ARHGEF10: variants seen among roughly 807,000 people sequenced by gnomAD.
ARHGEF10 encodes Rho guanine nucleotide exchange factor 10.
In ARHGEF10, 140 loss-of-function variants were observed where a neutral mutation model predicts 147.4. The observed-to-expected ratio is 0.95, with a 90% CI of 0.83 to 1.09. The LOEUF (loss-of-function observed/expected upper bound fraction) is 1.09, where lower values mean the gene tolerates loss of function less well. Ranked by LOEUF, ARHGEF10 falls within the 50% of genes least tolerant of loss-of-function variation. The probability of loss-of-function intolerance (pLI) is 0.00; values close to 1 mark genes in which losing one functional copy is unlikely to be tolerated. For missense variants in ARHGEF10, 2,222 were observed against 1,752.7 expected, an observed-to-expected ratio of 1.27 and a Z score of -4.78; for synonymous variants, 902 against 695.8, an observed-to-expected ratio of 1.30 and a Z score of -4.67.
At position 1,926,442 on chromosome 8, in the gene ARHGEF10, C is replaced by G; in HGVS notation, c.2676C>G (p.Ser892=). 1 of 1,614,104 alleles carries G rather than the reference C, an allele frequency of 6.2e-7. No homozygotes were observed. Among genetic ancestry groups the G allele is most frequent in the South Asian group, 1.1e-5 (1 of 91,088 alleles). Residue 892 remains serine (S), a synonymous_variant, in exon 23 of 29, where the codon TCC becomes TCG. Coordinates refer to ENST00000349830, the MANE Select transcript of ARHGEF10 (RefSeq NM_014629.4). Reference sequence around the variant, plus strand: ...ATGAAAGCCAGCCAGATTCATTTTCCACGGCACATGGTTTCCTGTGGGTAA... The same window carrying G: ...ATGAAAGCCAGCCAGATTCATTTTCGACGGCACATGGTTTCCTGTGGGTAA... ...LNNESQPDSF[S]TAHGFLWIGS...
intron 26 of ARHGEF10, among the ~76,000 whole-genome samples, chr8:1,935,633 C>T (rs960537556): frequency 1.3e-5 from 2 of 152,216 alleles, no homozygotes; most frequent in African/African-American, 2.4e-5. Flanking sequence ...CACTGGGGCT[C>T]ATAACGTCTT....
intron 18 of ARHGEF10, among the ~76,000 whole-genome samples, chr8:1,917,582 C>T (rs1039482462): frequency 2.6e-5 from 4 of 152,124 alleles, no homozygotes; most frequent in African/African-American, 9.7e-5. Context: ...GCAGGGATTT[C>T]CATGGAAACA....
intron 15 of ARHGEF10, among the ~76,000 whole-genome samples, 166 bp from the exon 16 acceptor site, chr8:1,903,115 C>T (rs138429880): frequency 2.6e-5 from 4 of 152,198 alleles, no homozygotes; most frequent in African/African-American, 9.7e-5. Flanking sequence ...TCAGCCAAGT[C>T]GTGACTCACT....
chr8:1,894,602 T>G (rs755901239), intron 13 of ARHGEF10, 30 bp downstream of exon 13: 2 of 1,608,180 alleles, frequency 1.2e-6, no homozygotes, highest in Admixed American at 3.3e-5. Context: ...TGGATGTCCA[T>G]GGGGCTCTCC....
chr8:1,918,126 A>G (rs188600897), intron 18 of ARHGEF10, among the ~76,000 whole-genome samples: 1 of 152,172 alleles, frequency 6.6e-6, no homozygotes, highest in Non-Finnish European at 1.5e-5. Context: ...CTGAAAATCA[A>G]CATGAAACAG....
intron 12 of ARHGEF10, 56 bp from the exon 13 acceptor site, chr8:1,894,337 A>C: frequency 6.3e-7 from 1 of 1,597,642 alleles, no homozygotes; most frequent in Non-Finnish European, 8.6e-7. Context: ...ACAACAAAAC[A>C]AGACCCAGGC....
intron 25 of ARHGEF10, among the ~76,000 whole-genome samples, chr8:1,932,057 G>C (rs1353419220): frequency 6.6e-6 from 1 of 152,236 alleles, no homozygotes; most frequent in Non-Finnish European, 1.5e-5. Flanking sequence ...TCCAAGCACA[G>C]TGGGCGGTGC....
intron 1 of ARHGEF10, 49 bp from the exon 2 acceptor site, chr8:1,843,304 C>A: frequency 6.9e-7 from 1 of 1,455,852 alleles, no homozygotes; most frequent in Non-Finnish European, 9.5e-7. Context: ...CTATTGAGTG[C>A]ATGTTTATCC....
intron 17 of ARHGEF10, among the ~76,000 whole-genome samples, chr8:1,908,325 G>A (rs969972211): frequency 1.3e-5 from 2 of 149,446 alleles, no homozygotes; most frequent in African/African-American, 5.0e-5. Context: ...CTGCCTCCCG[G>A]GTTCACGCCA....
intron 26 of ARHGEF10, among the ~76,000 whole-genome samples, chr8:1,939,636 G>C (rs902397754): frequency 6.6e-6 from 1 of 152,246 alleles, no homozygotes; most frequent in Non-Finnish European, 1.5e-5. Flanking sequence ...GTGGCTAGCT[G>C]GTCGAGGGTG....
intron 2 of ARHGEF10, among the ~76,000 whole-genome samples, chr8:1,847,911 C>G (rs1345418211): frequency 6.6e-6 from 1 of 152,166 alleles, no homozygotes; most frequent in Non-Finnish European, 1.5e-5. Flanking sequence ...ATGAGTATTA[C>G]TTTAATCTTG....
At position 1,889,937 on chromosome 8, in the gene ARHGEF10, T is replaced by TC. The variant is rs1325745949; in HGVS notation, c.1183-3632_1183-3631insC. 9.4e-3 allele frequency among the ~76,000 whole-genome samples: 1,194 copies of TC among 126,818 alleles called. 3 individuals carry two copies. Among genetic ancestry groups the TC allele is most frequent in the East Asian group, 0.014 (58 of 4,076 alleles). 83.2% of individuals were successfully genotyped at this position (126,818 alleles called of 152,430 possible). On this transcript the variant is annotated intron_variant, in intron 11 of 28. Transcript: ENST00000349830. ...TAGGAGGCAGTGAGTGGGGCGAGGG[T>TC]TGTGAGGAGACACTGAGTGGGGGAG...
Position 1,869,247 on chromosome 8 carries a change from C to A in ARHGEF10, c.676C>A (p.Pro226Thr). 6.2e-7 allele frequency: 1 copy of A among 1,613,600 alleles called. No homozygotes were observed. Among genetic ancestry groups the A allele is most frequent in the Non-Finnish European group, 8.5e-7 (1 of 1,179,534 alleles). ...DVPRENSDSEPDEMIYDDVEN... is the reference protein window; with the variant it reads ...DVPRENSDSETDEMIYDDVEN... ...TCCAAGGGAAAACTCAGACTCTGAA[C>A]CAGGTTTGATTTTGTCTGGAATTGA... is the stretch of plus-strand genomic sequence containing the variant. The change falls in exon 7 of 29, where the codon CCA (proline) becomes ACA (threonine). Residue 226 changes from proline to threonine, a missense_variant. Physicochemically the swap from Pro to Thr is conservative, Grantham distance 38. Coordinates refer to ENST00000349830, the MANE Select transcript of ARHGEF10 (RefSeq NM_014629.4).
intron 1 of ARHGEF10, among the ~76,000 whole-genome samples, chr8:1,841,362 C>A (rs1026630197): frequency 6.6e-6 from 1 of 152,204 alleles, no homozygotes; most frequent in African/African-American, 2.4e-5. Flanking sequence ...ATGAGCAGCG[C>A]CTCCAGGGCG....
intron 18 of ARHGEF10, among the ~76,000 whole-genome samples, chr8:1,919,454 T>TTCTG (rs1308256847): frequency 1.3e-5 from 2 of 148,490 alleles, no homozygotes; most frequent in Non-Finnish European, 3.0e-5. Flanking sequence ...GATGGAGCTG[T>TTCTG]TCCATGGGTG....
rs1463852532 is a variant in ARHGEF10, at chr8:1,873,715, C to T, written c.680-2856C>T. 5.4e-4 allele frequency among the ~76,000 whole-genome samples: 79 copies of T among 147,362 alleles called. 1 individual carries two copies. Among genetic ancestry groups the T allele is most frequent in the African/African-American group, 1.2e-3 (48 of 40,100 alleles). On this transcript the variant is annotated intron_variant, in intron 7 of 28. Transcript: ENST00000349830. ...TGAGCGGTGCCCGCGGGGTAGTGCA[C>T]TCGCATTTCCTAGTTGCCTTGAGAG...
chr8:1,895,696 T>C (rs528006261), intron 13 of ARHGEF10, among the ~76,000 whole-genome samples: 3 of 152,340 alleles, frequency 2.0e-5, no homozygotes, highest in Admixed American at 2.0e-4. Flanking sequence ...ACATTCCTGC[T>C]ATCAATGCCA....
At chr8:1,932,994 C>G (rs558489268) in intron 25 of ARHGEF10, among the ~76,000 whole-genome samples, 2 of 152,154 alleles carry the variant, frequency 1.3e-5, no homozygotes, top group Non-Finnish European at 2.9e-5. Context: ...ACATTAGTCA[C>G]TTTAGAAGTT....
intron 16 of ARHGEF10, chr8:1,903,882 C>G (rs1394154259): frequency 4.0e-6 from 1 of 250,672 alleles, no homozygotes; most frequent in African/African-American, 2.3e-5. Flanking sequence ...TCGCTGGAAC[C>G]CAGGAGTTCA....
Sources: gnomAD v4.1 joint callset for allele counts (sites outside exome capture counted in the v4.1 genomes callset) on GRCh38, gnomAD v4.1.1 for gene constraint, MANE v1.5 for transcripts, NCBI Gene and HGNC (gene_info 2026-07-23, HGNC 2026-07-21) for gene names.